The following MARCHF8 variants were observed in gnomAD, a reference collection of about 807,000 sequenced individuals.
MARCHF8 encodes the protein E3 ubiquitin-protein ligase MARCHF8.
A neutral mutation model predicts 51.6 loss-of-function variants in MARCHF8; 40 were observed. The ratio of observed to expected loss-of-function variants is 0.77; its 90% CI spans 0.60 to 1.01. MARCHF8 has a LOEUF of 1.01. Among genes scored for constraint, MARCHF8 ranks in the 50% least tolerant of loss-of-function variants. The pLI is 0.00. For missense variants in MARCHF8, 685 were observed against 708.6 expected, an observed-to-expected ratio of 0.97 and a Z score of 0.38; for synonymous variants, 263 against 280.3, an observed-to-expected ratio of 0.94 and a Z score of 0.62.
chr10:45,501,967 T>A (rs996493398), intron 2 of MARCHF8, among the ~76,000 whole-genome samples: 14 of 151,780 alleles, frequency 9.2e-5, no homozygotes, highest in African/African-American at 1.7e-4. Flanking sequence ...TGGCTAAAAA[T>A]TTTTTTTTAA....
chr10:45,480,902 G>A (rs1041646855), intron 3 of MARCHF8, among the ~76,000 whole-genome samples: 1 of 152,186 alleles, frequency 6.6e-6, no homozygotes, highest in Non-Finnish European at 1.5e-5. Context: ...CTCCAGAATG[G>A]TGTATCTACT....
At chr10:45,470,753 C>T (rs1022144788) in intron 3 of MARCHF8, among the ~76,000 whole-genome samples, 11 of 152,198 alleles carry the variant, frequency 7.2e-5, no homozygotes, top group African/African-American at 1.7e-4. Flanking sequence ...ACGGTCAACT[C>T]GGCAGGCCTG....
At chr10:45,534,056 G>A (rs1231863532) in intron 1 of MARCHF8, among the ~76,000 whole-genome samples, 6 of 152,074 alleles carry the variant, frequency 3.9e-5, no homozygotes, top group Admixed American at 1.3e-4. Flanking sequence ...GGTGGCGGGC[G>A]CCTGTAGTCG....
chr10:45,533,963 C>T (rs1312212429), intron 1 of MARCHF8, among the ~76,000 whole-genome samples: 2 of 152,198 alleles, frequency 1.3e-5, no homozygotes, highest in South Asian at 2.1e-4. Context: ...GCGGGCAAAT[C>T]ACGAGGTCAG....
chr10:45,509,560 G>A (rs1346494972), intron 2 of MARCHF8, among the ~76,000 whole-genome samples: 4 of 152,128 alleles, frequency 2.6e-5, no homozygotes, highest in African/African-American at 9.7e-5. Context: ...TATTGGTTTT[G>A]CAACTAAACT....
chr10:45,486,786 G>A (rs1457303406), intron 3 of MARCHF8, among the ~76,000 whole-genome samples: 2 of 150,302 alleles, frequency 1.3e-5, no homozygotes, highest in East Asian at 3.9e-4. Flanking sequence ...CAACCCTGAA[G>A]GTTGTATTAT....
At chr10:45,518,521 ACT>A (rs1428259128) in intron 2 of MARCHF8, among the ~76,000 whole-genome samples, 3 of 152,122 alleles carry the variant, frequency 2.0e-5, no homozygotes, top group East Asian at 3.9e-4. Context: ...TGCTCTAAAG[ACT>A]CTGATCTGAA....
At chr10:45,569,797 C>T (rs910553854) in intron 1 of MARCHF8, among the ~76,000 whole-genome samples, 37 of 151,916 alleles carry the variant, frequency 2.4e-4, no homozygotes, top group African/African-American at 8.5e-4. Flanking sequence ...TAATGAGGAT[C>T]AATTGTGTAT....
chr10:45,578,013 C>T (rs2044509318), intron 1 of MARCHF8, among the ~76,000 whole-genome samples: 1 of 152,046 alleles, frequency 6.6e-6, no homozygotes, highest in African/African-American at 2.4e-5. Flanking sequence ...CAGAGTGAGA[C>T]CCTGTCTCTA....
chr10:45,496,837 C>CA (rs34660528), intron 2 of MARCHF8, among the ~76,000 whole-genome samples: 9,355 of 151,796 alleles, frequency 0.062, 328 homozygotes, highest in Non-Finnish European at 0.067. Context: ...CATTAGAAAT[C>CA]TTTTTTAAAA....
At chr10:45,470,557 A>G (rs927594289) in intron 3 of MARCHF8, among the ~76,000 whole-genome samples, 13 of 152,202 alleles carry the variant, frequency 8.5e-5, no homozygotes, top group African/African-American at 2.7e-4. Context: ...CACACAACAC[A>G]ACATGATCAT....
Position 45,465,774 on chromosome 10 carries a change from A to G in MARCHF8, c.154-1447T>C, listed in dbSNP as rs1842945152. Among the ~76,000 whole-genome samples, 10 of 152,244 alleles carry G rather than the reference A, an allele frequency of 6.6e-5. No homozygotes were observed. The South Asian group carries it at 2.1e-3, about 32-fold the overall frequency. On this transcript the variant is annotated intron_variant, in intron 3 of 7. Coordinates refer to ENST00000453424, the MANE Select transcript of MARCHF8 (RefSeq NM_001282866.2). ...TGAGATCACGCTGTGCCACTCCATG[A>G]GCACATCTTCGAATTCACCAAAGAA... is the stretch of plus-strand genomic sequence containing the variant.
chr10:45,579,838 A>C (rs575446788), intron 1 of MARCHF8, among the ~76,000 whole-genome samples: 2 of 152,028 alleles, frequency 1.3e-5, no homozygotes, highest in East Asian at 3.9e-4. Flanking sequence ...ACATGGTGAA[A>C]CCCTGTCTCT....
exon 1 of MARCHF8, chr10:45,594,783 G>A (rs2044721946): frequency 6.6e-6 from 1 of 152,310 alleles, no homozygotes; most frequent in South Asian, 2.1e-4. Context: ...GGTGGGCTCT[G>A]AGCTGGCGGC....
chr10:45,568,229 G>C (rs1019783728), intron 1 of MARCHF8, among the ~76,000 whole-genome samples: 1 of 152,124 alleles, frequency 6.6e-6, no homozygotes, highest in Non-Finnish European at 1.5e-5. Context: ...ACGATAATTT[G>C]ACTTCTTCCT....
At chr10:45,513,937 C>A (rs902139247) in intron 2 of MARCHF8, among the ~76,000 whole-genome samples, 14 of 152,106 alleles carry the variant, frequency 9.2e-5, no homozygotes, top group Non-Finnish European at 1.5e-4. Context: ...AGCAATAGAG[C>A]CTGAAGGTGC....
In MARCHF8 at chr10:45,458,470, CATA is replaced by C. The variant is rs967689918; in HGVS notation, c.1488_1490del (p.Phe496_Met497delinsLeu). 3.1e-6 allele frequency: 5 copies of C among 1,613,444 alleles called. No individual in the cohort carries two copies. In the African/African-American group the frequency reaches 6.7e-5, roughly 22 times the overall value. On this transcript the variant is annotated inframe_deletion, in exon 8 of 8. Coordinates refer to ENST00000453424, the MANE Select transcript of MARCHF8 (RefSeq NM_001282866.2). ...GCACATACACTTTACACTGAACATACATAAAAAGAAGTCCTCCGGTGAAGCCGA... is the reference window on the plus strand; with the variant it reads ...GCACATACACTTTACACTGAACATACAAAAGAAGTCCTCCGGTGAAGCCGA...
At chr10:45,514,977 CCAT>C (rs2043594734) in intron 2 of MARCHF8, among the ~76,000 whole-genome samples, 1 of 152,156 alleles carries the variant, frequency 6.6e-6, no homozygotes, top group African/African-American at 2.4e-5. Context: ...TTCCTGCAGA[CCAT>C]CATCACAGGG....
chr10:45,461,327 G>C lies in MARCHF8; in HGVS notation c.1173C>G (p.Ala391=). 1 of 1,607,976 alleles carries C rather than the reference G, an allele frequency of 6.2e-7. No individual in the cohort carries two copies. The highest frequency in any genetic ancestry group is 8.5e-7 in the Non-Finnish European group (1 of 1,177,608). ...CTGSLHFVHQ[A]CLQQWIKSSD... is the part of the protein sequence containing the mutation. ...AGCTCTTGATCCACTGCTGCAGGCAGGCCTGGTGCACGAAGTGGAGGCTTC... is the reference window on the plus strand; with the variant it reads ...AGCTCTTGATCCACTGCTGCAGGCACGCCTGGTGCACGAAGTGGAGGCTTC... Residue 391 remains alanine, a synonymous_variant, in exon 6 of 8, where the codon GCC becomes GCG. Coordinates refer to ENST00000453424, the MANE Select transcript of MARCHF8 (RefSeq NM_001282866.2).
Sources: allele counts gnomAD v4.1 joint callset (sites outside exome capture counted in the v4.1 genomes callset), GRCh38; gene constraint gnomAD v4.1.1; transcripts MANE v1.5; gene names NCBI Gene and HGNC (gene_info 2026-07-23, HGNC 2026-07-21).